The following DDX60L variants were observed in gnomAD, a reference collection of about 807,000 sequenced individuals.
The protein encoded by DDX60L is probable ATP-dependent RNA helicase DDX60-like.
A neutral mutation model predicts 211.6 loss-of-function variants in DDX60L; 191 were observed. The ratio of observed to expected loss-of-function variants is 0.90; its 90% CI spans 0.80 to 1.02. The LOEUF (loss-of-function observed/expected upper bound fraction) is 1.02, where lower values mean the gene tolerates loss of function less well. Ranked by LOEUF, DDX60L falls within the 50% of genes least tolerant of loss-of-function variation. DDX60L has a pLI of 0.00. For missense variants in DDX60L, 2,007 were observed against 1,984.1 expected, an observed-to-expected ratio of 1.01 and a Z score of -0.22; for synonymous variants, 706 against 694.1, an observed-to-expected ratio of 1.02 and a Z score of -0.27.
At chr4:168,456,006 T>C in intron 7 of DDX60L, 33 bp downstream of exon 7, 1 of 1,460,218 alleles carries the variant, frequency 6.8e-7, no homozygotes, top group African/African-American at 1.4e-5. Flanking sequence ...GAATGACAGC[T>C]TTCTGCCTGG....
chr4:168,372,999 A>C (rs1741302282), intron 35 of DDX60L, among the ~76,000 whole-genome samples: 1 of 152,170 alleles, frequency 6.6e-6, no homozygotes, highest in South Asian at 2.1e-4. Context: ...GCAGCTATTA[A>C]AATTTTGGTT....
intron 37 of DDX60L, 43 bp from the exon 38 acceptor site, chr4:168,358,319 T>G (rs778037300): frequency 3.7e-6 from 5 of 1,348,836 alleles, no homozygotes; most frequent in Admixed American, 3.2e-5. Flanking sequence ...TGAGCCCACA[T>G]TTTTATAACA....
In DDX60L at chr4:168,430,566, G is replaced by T; in HGVS notation, c.1589C>A (p.Ser530Ter). 1 of 1,606,642 alleles carries T rather than the reference G, an allele frequency of 6.2e-7. No homozygotes were observed. The highest frequency in any genetic ancestry group is 8.5e-7 in the Non-Finnish European group (1 of 1,176,412). Residue 530 changes from serine (S) to a stop codon, truncating the protein, a stop_gained, in exon 13 of 38, where the codon TCG becomes TAG. Transcript: ENST00000682922. LOFTEE classifies it high-confidence loss of function. Reference sequence around the variant, plus strand: ...GACTTTCGTAGAGATTGATTCTAACGATTTCCCATAAAATTGCTGATAATC... The same window carrying T: ...GACTTTCGTAGAGATTGATTCTAACTATTTCCCATAAAATTGCTGATAATC... ...IQDYQQFYGK[S>*]LESISTKVIV...
At chr4:168,365,905 A>G (rs1262913137) in intron 36 of DDX60L, among the ~76,000 whole-genome samples, 1 of 152,202 alleles carries the variant, frequency 6.6e-6, no homozygotes, top group African/African-American at 2.4e-5. Flanking sequence ...AATAGCATTA[A>G]CAGGAAAACA....
At chr4:168,404,128 AT>A (rs758878160) in intron 24 of DDX60L, 22 bp from the exon 25 acceptor site, 27 of 1,234,552 alleles carry the variant, frequency 2.2e-5, no homozygotes, top group Non-Finnish European at 2.4e-5. Flanking sequence ...AGTAAAAATT[AT>A]TTAAAAAAAA....
chr4:168,432,529 G>C lies in DDX60L; in HGVS notation c.1442C>G (p.Ser481Cys), dbSNP rs932190730. Residue 481 changes from serine (S) to cysteine (C), a missense_variant, in exon 12 of 38, where the codon TCT becomes TGT. Ser to Cys is a moderately radical substitution (Grantham distance 112). Coordinates refer to ENST00000682922, the MANE Select transcript of DDX60L (RefSeq NM_001012967.3). The part of the protein sequence containing the change: ...VVPSLFKQKT[S>C]DELLHWHAQR... ...AGCATGCCAGTGCAAAAGTTCATCA[G>C]ATGTCTTTTGTTTAAACAGTGAAGG... The C allele has an allele frequency of 1.3e-6, 2 of 1,584,534 alleles. No homozygotes were observed. The highest frequency in any genetic ancestry group is 1.4e-5 in the African/African-American group (1 of 73,766).
intron 5 of DDX60L, among the ~76,000 whole-genome samples, chr4:168,458,410 C>T (rs781732845): frequency 6.6e-6 from 1 of 152,154 alleles, no homozygotes; most frequent in Non-Finnish European, 1.5e-5. Context: ...ACCCAAATGC[C>T]CATCAATCAT....
Position 168,461,719 on chromosome 4 carries a change from T to C in DDX60L, c.586A>G (p.Asn196Asp). 1 of 1,548,938 alleles carries C rather than the reference T, an allele frequency of 6.5e-7. No individual in the cohort carries two copies. The highest frequency in any genetic ancestry group is 8.7e-7 in the Non-Finnish European group (1 of 1,145,506). ...ATTACCTCCTTGGAAAAAGTTTGGT[T>C]TCTGTCTGTGCTTTCCATAGTATAT... Reference protein sequence around the residue: ...YAYTMESTDRNQTFSKENETV... With the variant: ...YAYTMESTDRDQTFSKENETV... Residue 196 changes from asparagine to aspartate, a missense_variant, in exon 5 of 38, where the codon AAC (asparagine) becomes GAC (aspartate). Coordinates refer to ENST00000682922, the MANE Select transcript of DDX60L (RefSeq NM_001012967.3).
At chr4:168,386,102 TG>T (rs1300333882) in intron 29 of DDX60L, among the ~76,000 whole-genome samples, 1 of 152,058 alleles carries the variant, frequency 6.6e-6, no homozygotes, top group Non-Finnish European at 1.5e-5. Context: ...CATTTGCAAA[TG>T]AAGGATTCAA....
intron 10 of DDX60L, among the ~76,000 whole-genome samples, chr4:168,438,510 C>A (rs1347138452): frequency 6.6e-6 from 1 of 152,216 alleles, no homozygotes; most frequent in Non-Finnish European, 1.5e-5. Flanking sequence ...TAAGAATAAA[C>A]CTCTTTAAAA....
At chr4:168,477,939 G>A (rs767657529) in intron 1 of DDX60L, among the ~76,000 whole-genome samples, 1 of 152,182 alleles carries the variant, frequency 6.6e-6, no homozygotes, top group East Asian at 1.9e-4. Context: ...CTGGAAAGAA[G>A]AGAATTGGCT....
chr4:168,443,890 A>T (rs908492877), intron 9 of DDX60L, among the ~76,000 whole-genome samples: 12 of 148,334 alleles, frequency 8.1e-5, no homozygotes, highest in African/African-American at 1.8e-4. Flanking sequence ...CTAAACATGG[A>T]AAGGAACAAC....
At chr4:168,393,537 C>T (rs545033325) in intron 28 of DDX60L, among the ~76,000 whole-genome samples, 10 of 152,102 alleles carry the variant, frequency 6.6e-5, no homozygotes, top group East Asian at 1.9e-4. Flanking sequence ...AATAGTGTAA[C>T]GGCTACCCTT....
intron 34 of DDX60L, 91 bp from the exon 35 acceptor site, chr4:168,373,899 T>C (rs911395362): frequency 6.1e-6 from 8 of 1,304,592 alleles, no homozygotes; most frequent in Non-Finnish European, 7.5e-6. Flanking sequence ...CCACAGTAGG[T>C]GACATTCATC....
At chr4:168,416,651 T>A in intron 20 of DDX60L, 31 bp downstream of exon 20, 1 of 1,385,088 alleles carries the variant, frequency 7.2e-7, no homozygotes, top group Non-Finnish European at 1.0e-6. Flanking sequence ...CCACTGAATA[T>A]ATAACAACCA....
At chr4:168,414,931 C>A (rs1394030253) in intron 22 of DDX60L, among the ~76,000 whole-genome samples, 1 of 150,250 alleles carries the variant, frequency 6.7e-6, no homozygotes, top group Non-Finnish European at 1.5e-5. Flanking sequence ...TAAATAAGAT[C>A]TAGTATGTGA....
Position 168,461,780 on chromosome 4 carries a change from T to A in DDX60L, c.525A>T (p.Ser175=), listed in dbSNP as rs1432342190. The change falls in exon 5 of 38, where the codon TCA becomes TCT. Residue 175 remains serine (S), a synonymous_variant. Transcript: ENST00000682922. ...TGAGAGTATCAGATTCATGCCCTGA[T>A]GAAAGCACAACATTGACTTTCATTC... The part of the protein sequence containing the change: ...SWGMKVNVVL[S]SGHESDTLRF... 1 of 1,604,410 alleles carries A rather than the reference T, an allele frequency of 6.2e-7. No homozygotes were observed.
chr4:168,455,582 G>A (rs929999977), intron 7 of DDX60L, among the ~76,000 whole-genome samples: 4 of 152,038 alleles, frequency 2.6e-5, no homozygotes, highest in Non-Finnish European at 5.9e-5. Context: ...GTCTTGAATC[G>A]ACAGGAGAGA....
At chr4:168,430,862 T>G (rs1752238621) in intron 12 of DDX60L, among the ~76,000 whole-genome samples, 1 of 151,880 alleles carries the variant, frequency 6.6e-6, no homozygotes, top group South Asian at 2.1e-4. Context: ...GCCCCTGTCA[T>G]TTGGCAGGAG....
Sources: gnomAD v4.1 joint callset for allele counts (sites outside exome capture counted in the v4.1 genomes callset) on GRCh38, gnomAD v4.1.1 for gene constraint, MANE v1.5 for transcripts, NCBI Gene and HGNC (gene_info 2026-07-23, HGNC 2026-07-21) for gene names.